PPME1: variants seen among roughly 807,000 people sequenced by gnomAD.
PPME1 encodes protein phosphatase methylesterase 1.
A neutral mutation model predicts 56.9 loss-of-function variants in PPME1; 17 were observed. That is an observed-to-expected ratio of 0.30 (90% CI 0.20 to 0.45). The LOEUF (loss-of-function observed/expected upper bound fraction) is 0.45. Among genes scored for constraint, PPME1 ranks in the 20% least tolerant of loss-of-function variants. The pLI, the probability that PPME1 is intolerant of heterozygous loss-of-function variation, is 1.00. For synonymous variants in PPME1, 122 were observed against 156.2 expected (o/e 0.78, Z 1.63); for missense variants, 357 against 483.2 (o/e 0.74, Z 2.45).
chr11:74,213,188 G>T (rs1408393977), intron 3 of PPME1, among the ~76,000 whole-genome samples: 1 of 152,196 alleles, frequency 6.6e-6, no homozygotes, highest in African/African-American at 2.4e-5. Flanking sequence ...AACACTGGTG[G>T]TAGCCAGGCA....
intron 1 of PPME1, among the ~76,000 whole-genome samples, chr11:74,190,576 A>G (rs1857808766): frequency 6.6e-6 from 1 of 152,220 alleles, no homozygotes; most frequent in Admixed American, 6.5e-5. Context: ...ACCCAGCCTC[A>G]AGTATTTCTT....
chr11:74,191,644 T>C (rs958482914), intron 1 of PPME1, among the ~76,000 whole-genome samples: 1 of 152,204 alleles, frequency 6.6e-6, no homozygotes, highest in Admixed American at 6.5e-5. Flanking sequence ...GCCTCAGGAC[T>C]CTGCACCTTG....
At position 74,171,489 on chromosome 11, in the gene PPME1, G is replaced by C; in HGVS notation, c.68G>C (p.Gly23Ala). Reference protein sequence around the residue: ...LPSRPPLPGSGGSQSGAKMRM... With the variant: ...LPSRPPLPGSAGSQSGAKMRM... ...TCTCGCCCACCTCTACCCGGCAGCG[G>C]GGGCAGTCAGAGCGGAGCCAAGATG... Residue 23 changes from glycine to alanine, a missense_variant, in exon 1 of 14, where the codon GGG becomes GCG. Physicochemically the swap from Gly to Ala is moderately conservative, Grantham distance 60 (BLOSUM62 0). Coordinates refer to ENST00000328257, the MANE Select transcript of PPME1 (RefSeq NM_016147.3). 6.2e-7 allele frequency: 1 copy of C among 1,613,404 alleles called. No homozygotes were observed. The highest frequency in any genetic ancestry group is 8.5e-7 in the Non-Finnish European group (1 of 1,179,796).
intron 7 of PPME1, 107 bp from the exon 8 acceptor site, chr11:74,235,794 A>G (rs912950065): frequency 6.6e-7 from 1 of 1,508,910 alleles, no homozygotes; most frequent in East Asian, 2.5e-5. Context: ...GGTGATCACT[A>G]CTTTTTATTA....
chr11:74,173,258 C>T (rs1857327751), intron 1 of PPME1, among the ~76,000 whole-genome samples: 2 of 152,136 alleles, frequency 1.3e-5, no homozygotes, highest in South Asian at 4.1e-4. Flanking sequence ...ATTAATGTAA[C>T]ATTAATTGTT....
chr11:74,242,931 C>T (rs1859409276), intron 9 of PPME1, among the ~76,000 whole-genome samples: 1 of 150,948 alleles, frequency 6.6e-6, no homozygotes. Context: ...AGTAACTTTC[C>T]CAAGGGACCC....
intron 3 of PPME1, among the ~76,000 whole-genome samples, chr11:74,212,800 C>T (rs1387091323): frequency 6.6e-6 from 1 of 151,960 alleles, no homozygotes; most frequent in Non-Finnish European, 1.5e-5. Context: ...AGGATTCATC[C>T]CCTGCTGACT....
At chr11:74,197,788 G>A (rs151091873) in intron 1 of PPME1, among the ~76,000 whole-genome samples, 6 of 152,280 alleles carry the variant, frequency 3.9e-5, no homozygotes, top group African/African-American at 1.4e-4. Flanking sequence ...TTTGGGATTC[G>A]TAGATAGGTT....
intron 11 of PPME1, 93 bp downstream of exon 11, chr11:74,247,216 A>G (rs1318087790): frequency 1.1e-5 from 13 of 1,178,656 alleles, no homozygotes; most frequent in Non-Finnish European, 1.6e-5. Flanking sequence ...ATAACGGAGA[A>G]AGCATGAGCT....
At chr11:74,215,161 C>G (rs1273030023) in intron 3 of PPME1, among the ~76,000 whole-genome samples, 1 of 152,130 alleles carries the variant, frequency 6.6e-6, no homozygotes, top group Non-Finnish European at 1.5e-5. Context: ...GCCTGGACAA[C>G]ACGGTGAGAC....
intron 9 of PPME1, among the ~76,000 whole-genome samples, chr11:74,245,333 C>G (rs1264944959): frequency 6.6e-6 from 1 of 151,880 alleles, no homozygotes; most frequent in Non-Finnish European, 1.5e-5. Flanking sequence ...CTCATGTTCA[C>G]TTTTAGATTT....
chr11:74,192,586 A>G (rs1369707427), intron 1 of PPME1, among the ~76,000 whole-genome samples: 1 of 152,106 alleles, frequency 6.6e-6, no homozygotes, highest in African/African-American at 2.4e-5. Context: ...CTCGTGTTGA[A>G]ATGTAATCCC....
rs372586226 is a variant in PPME1 at position 74,172,639 on chromosome 11, TGAACATGGGA to T, written c.101+1121_101+1130del. On this transcript the variant is annotated intron_variant, in intron 1 of 13. Coordinates refer to ENST00000328257, the MANE Select transcript of PPME1 (RefSeq NM_016147.3). Reference sequence around the variant, plus strand: ...CTTGGGCCGAGGAGAAAGAATGAGGTGAACATGGGAGAAGTAATTGCTGGAAAGTGGAGAG... The same window carrying T: ...CTTGGGCCGAGGAGAAAGAATGAGGTGAAGTAATTGCTGGAAAGTGGAGAG... 3.3e-3 allele frequency among the ~76,000 whole-genome samples: 507 copies of T among 152,094 alleles called. 5 individuals are homozygous for T. The highest frequency in any genetic ancestry group is 0.012 in the African/African-American group (481 of 41,478).
chr11:74,226,054 C>G (rs1858925082), intron 5 of PPME1, among the ~76,000 whole-genome samples: 1 of 152,318 alleles, frequency 6.6e-6, no homozygotes, highest in South Asian at 2.1e-4. Context: ...CATTTTCCTT[C>G]AGAGCCCAAA....
chr11:74,240,240 A>G (rs1040470068), intron 9 of PPME1, among the ~76,000 whole-genome samples: 1 of 152,174 alleles, frequency 6.6e-6, no homozygotes, highest in Non-Finnish European at 1.5e-5. Context: ...TCACACTCAG[A>G]AATACTATGG....
chr11:74,239,110 A>G (rs753244824), intron 8 of PPME1, 23 bp from the exon 9 acceptor site: 1 of 1,606,166 alleles, frequency 6.2e-7, no homozygotes, highest in Non-Finnish European at 8.5e-7. Flanking sequence ...GGTGTGTAAT[A>G]GCACTTTTTT....
chr11:74,190,591 G>A (rs1857809439), intron 1 of PPME1, among the ~76,000 whole-genome samples: 1 of 152,172 alleles, frequency 6.6e-6, no homozygotes, highest in Admixed American at 6.5e-5. Context: ...TTTCTTTATA[G>A]CAGTGCAAGA....
intron 3 of PPME1, among the ~76,000 whole-genome samples, chr11:74,221,547 G>A (rs1858800884): frequency 6.6e-6 from 1 of 152,084 alleles, no homozygotes. Flanking sequence ...GTGACCCTGG[G>A]CAAATAATTT....
At chr11:74,248,623 G>C (rs1859569898) in intron 11 of PPME1, 1 of 152,084 alleles carries the variant, frequency 6.6e-6, no homozygotes, top group Non-Finnish European at 1.5e-5. Context: ...TGGCACTGAT[G>C]TTGGTAATTA....
Sources: gnomAD v4.1 joint callset for allele counts (sites outside exome capture counted in the v4.1 genomes callset) on GRCh38, gnomAD v4.1.1 for gene constraint, MANE v1.5 for transcripts, NCBI Gene and HGNC (gene_info 2026-07-23, HGNC 2026-07-21) for gene names.